The following CFAP74 variants were observed in gnomAD, a reference collection of about 807,000 sequenced individuals.
CFAP74 encodes the protein cilia and flagella associated protein 74, also known as cilia- and flagella-associated protein 74.
In CFAP74, 124 loss-of-function variants were observed where a neutral mutation model predicts 188.9. The observed-to-expected ratio is 0.66, with a 90% CI of 0.57 to 0.76. The LOEUF is 0.76. Ranked by LOEUF, CFAP74 falls within the 30% of genes least tolerant of loss-of-function variation. The pLI is 0.00. For missense variants in CFAP74, 2,198 were observed against 2,165.2 expected (o/e 1.02, Z -0.30); for synonymous variants, 956 against 916.7 (o/e 1.04, Z -0.77).
intron 10 of CFAP74, among the ~76,000 whole-genome samples, chr1:1,970,099 G>A (rs574704846): frequency 6.6e-6 from 1 of 152,232 alleles, no homozygotes; most frequent in Admixed American, 6.5e-5. Context: ...GGGTCCGAGA[G>A]GGCAACATGG....
chr1:1,983,161 T>C (rs1206644451), intron 6 of CFAP74, among the ~76,000 whole-genome samples: 1 of 151,780 alleles, frequency 6.6e-6, no homozygotes, highest in Admixed American at 6.6e-5. Flanking sequence ...CCCCTAACGG[T>C]GGAAAGCCAA....
chr1:1,922,355 G>T lies in CFAP74; in HGVS notation c.4852C>A (p.Gln1618Lys), dbSNP rs759570360. The change falls in exon 39 of 39, where the codon CAG (glutamine) becomes AAG (lysine). Residue 1618 changes from glutamine to lysine, a missense_variant. Transcript: ENST00000682832. ...DHPLMVSALL[Q>K]LRGDVKETYK... ...GTCTCCTTCACATCCCCCCTTAGCT[G>T]CAGCAGGGCCGACACCATGAGTGGG... 2 of 1,600,942 alleles carry T rather than the reference G, an allele frequency of 1.2e-6. No homozygotes were observed. The highest frequency in any genetic ancestry group is 1.4e-5 in the African/African-American group (1 of 74,044).
intron 6 of CFAP74, 142 bp from the exon 7 acceptor site, chr1:1,974,340 C>T (rs1004640932): frequency 6.0e-5 from 43 of 716,492 alleles, no homozygotes; most frequent in Middle Eastern, 3.2e-4. Flanking sequence ...GGGCCATCTC[C>T]GCTCTGAGTC....
chr1:1,950,386 C>A (rs1455786067), intron 18 of CFAP74, among the ~76,000 whole-genome samples: 2 of 149,606 alleles, frequency 1.3e-5, no homozygotes, highest in Non-Finnish European at 3.0e-5. Context: ...ATTGCCCAGG[C>A]TGGAGTGCAA....
Position 1,973,924 on chromosome 1 carries a change from T to C in CFAP74, c.674+101A>G. On this transcript the variant is annotated intron_variant, in intron 7 of 38. Coordinates refer to ENST00000682832, the MANE Select transcript of CFAP74 (RefSeq NM_001304360.2). The surrounding 1 kb of genome is among the most constrained non-coding windows in gnomAD (Gnocchi z 6.2). ...AGGGGTGGAGGTGGATCTGGACAGATGTGGAGGGCGAGGCTGAATCTGGAG... is the reference window on the plus strand; with the variant it reads ...AGGGGTGGAGGTGGATCTGGACAGACGTGGAGGGCGAGGCTGAATCTGGAG... The C allele has an allele frequency of 8.6e-7, 1 of 1,163,040 alleles. No homozygotes were observed. The highest frequency in any genetic ancestry group is 1.7e-5 in the South Asian group (1 of 57,600). 72.0% of individuals were successfully genotyped at this position (1,163,040 alleles called of 1,614,324 possible). A position where few individuals can be genotyped will look rare whatever the true frequency, so the allele number is the denominator to read the frequency against.
Position 1,923,558 on chromosome 1 carries a change from G to A in CFAP74, c.4390-59C>T. On this transcript the variant is annotated intron_variant, in intron 35 of 38. Transcript: ENST00000682832. The surrounding 1 kb of genome is among the most constrained non-coding windows in gnomAD (Gnocchi z 6.3). ...AAGCTCGGCGGCAGGGGTCCTGCTGGTGAGAGCTGGGCTGGCTCAGGGAAG... is the reference window on the plus strand; with the variant it reads ...AAGCTCGGCGGCAGGGGTCCTGCTGATGAGAGCTGGGCTGGCTCAGGGAAG... 1 of 1,584,914 alleles carries A rather than the reference G, an allele frequency of 6.3e-7. No individual in the cohort carries two copies. Among genetic ancestry groups the A allele is most frequent in the Non-Finnish European group, 8.6e-7 (1 of 1,162,278 alleles).
chr1:1,992,366 T>C (rs769101581), intron 1 of CFAP74, among the ~76,000 whole-genome samples: 1 of 151,960 alleles, frequency 6.6e-6, no homozygotes, highest in Non-Finnish European at 1.5e-5. Flanking sequence ...GGGTCTCTCT[T>C]TGTTGCCCAG....
intron 10 of CFAP74, among the ~76,000 whole-genome samples, chr1:1,969,794 A>G (rs1655799430): frequency 6.6e-6 from 1 of 152,004 alleles, no homozygotes; most frequent in Non-Finnish European, 1.5e-5. Context: ...GCTCTGTGGC[A>G]CCCAGAGGAG....
chr1:1,927,983 G>T (rs1055944652), intron 27 of CFAP74: 5 of 544,274 alleles, frequency 9.2e-6, no homozygotes, highest in Non-Finnish European at 1.3e-5. Context: ...ATAAACCGAG[G>T]CACGGAGTGA....
rs779396077 is a variant in CFAP74 at position 1,968,846 on chromosome 1, G to C, written c.1047-13C>G. ...CTCCTCAAAGGCCCTGCGTGGAGTC[G>C]CTTCTCAGATGAGTGCAAGAGGTCC... On this transcript the variant is annotated splice_polypyrimidine_tract_variant and intron_variant, in intron 10 of 38. Coordinates refer to ENST00000682832, the MANE Select transcript of CFAP74 (RefSeq NM_001304360.2). The surrounding 1 kb of genome is among the most constrained non-coding windows in gnomAD (Gnocchi z 4.3). 1 of 1,612,926 alleles carries C rather than the reference G, an allele frequency of 6.2e-7. No individual in the cohort carries two copies. Among genetic ancestry groups the C allele is most frequent in the South Asian group, 1.1e-5 (1 of 91,044 alleles).
chr1:1,923,673 TG>T lies in CFAP74; in HGVS notation c.4389+101del. 6.4e-7 allele frequency: 1 copy of T among 1,569,682 alleles called. No homozygotes were observed. The highest frequency in any genetic ancestry group is 8.7e-7 in the Non-Finnish European group (1 of 1,145,018). On this transcript the variant is annotated intron_variant, in intron 35 of 38. Coordinates refer to ENST00000682832, the MANE Select transcript of CFAP74 (RefSeq NM_001304360.2). This position sits in a 1 kb window ranked among gnomAD's most constrained non-coding sequence, Gnocchi z 6.3. Reference sequence around the variant, plus strand: ...AGTGTGGTGCTGAGTCCCCCAGCCATGGTACCCTCAGGGCCTCCAAAGTGGA... The same window carrying T: ...AGTGTGGTGCTGAGTCCCCCAGCCATGTACCCTCAGGGCCTCCAAAGTGGA...
At position 1,942,918 on chromosome 1, in the gene CFAP74, G is replaced by A. The variant is rs1653485316; in HGVS notation, c.2487-762C>T. On this transcript the variant is annotated intron_variant, in intron 21 of 38. Transcript: ENST00000682832. The surrounding 1 kb of genome is among the most constrained non-coding windows in gnomAD (Gnocchi z 4.3). Reference sequence around the variant, plus strand: ...CTTCCATGCGACAGTCACCCATGCTGTGGCAGCCTCATCTCCGTCCATCAC... The same window carrying A: ...CTTCCATGCGACAGTCACCCATGCTATGGCAGCCTCATCTCCGTCCATCAC... Among the ~76,000 whole-genome samples, 1 of 152,178 alleles carries A rather than the reference G, an allele frequency of 6.6e-6. No individual in the cohort carries two copies. The highest frequency in any genetic ancestry group is 2.1e-4 in the South Asian group (1 of 4,834).
intron 1 of CFAP74, among the ~76,000 whole-genome samples, chr1:1,995,772 G>A (rs556125464): frequency 3.3e-5 from 5 of 149,876 alleles, no homozygotes; most frequent in African/African-American, 9.8e-5. Context: ...GCCGGGTGTG[G>A]TGGCGGGCAC....
At position 2,002,486 on chromosome 1, in the gene CFAP74, T is replaced by C. The variant is rs144693928; in HGVS notation, c.-20+1215A>G. ...ATTTGAGATCAGGAGTTCAAGACCA[T>C]CCTGGCCAACACGCGGAAACCCCGT... On this transcript the variant is annotated intron_variant, in intron 1 of 38. Coordinates refer to ENST00000682832, the MANE Select transcript of CFAP74 (RefSeq NM_001304360.2). Among the ~76,000 whole-genome samples the C allele has an allele frequency of 4.4e-3, 667 of 151,236 alleles. 8 individuals carry two copies. Among genetic ancestry groups the C allele is most frequent in the African/African-American group, 0.015 (622 of 41,326 alleles).
At chr1:1,951,491 C>G (rs533769078) in intron 18 of CFAP74, among the ~76,000 whole-genome samples, 1 of 152,184 alleles carries the variant, frequency 6.6e-6, no homozygotes, top group Non-Finnish European at 1.5e-5. Context: ...TTTGGATTCT[C>G]TTGTTCCGTT....
rs554073104 is a variant in CFAP74 at position 1,980,901 on chromosome 1, G to A, written c.500+4485C>T. ...CTGCCTTAGGCGGCTAAGGGCTGGG[G>A]CGGCCTGTTCTGTGGCTGCGGATGA... On this transcript the variant is annotated intron_variant, in intron 6 of 38. Transcript: ENST00000682832. 1.7e-3 allele frequency among the ~76,000 whole-genome samples: 261 copies of A among 152,370 alleles called. 1 individual carries two copies. Among genetic ancestry groups the A allele is most frequent in the African/African-American group, 6.1e-3 (252 of 41,588 alleles).
At chr1:1,985,656 C>A (rs1200608117) in intron 5 of CFAP74, among the ~76,000 whole-genome samples, 166 bp from the exon 6 acceptor site, 2 of 152,274 alleles carry the variant, frequency 1.3e-5, no homozygotes, top group Non-Finnish European at 2.9e-5. Context: ...CTCCACATGC[C>A]CCTTTCCGCT....
At chr1:1,963,193 G>GT (rs1037083391) in intron 14 of CFAP74, among the ~76,000 whole-genome samples, 6 of 152,172 alleles carry the variant, frequency 3.9e-5, no homozygotes, top group African/African-American at 1.4e-4. Context: ...GCTCATGCCT[G>GT]TAATACCAGT....
At chr1:1,998,736 G>C (rs1658052159) in intron 1 of CFAP74, among the ~76,000 whole-genome samples, 1 of 151,950 alleles carries the variant, frequency 6.6e-6, no homozygotes, top group South Asian at 2.1e-4. Flanking sequence ...AATTAGCCGG[G>C]CGTGGTGGCG....
Sources: gnomAD v4.1 joint callset for allele counts (sites outside exome capture counted in the v4.1 genomes callset) on GRCh38, gnomAD v4.1.1 for gene constraint, Gnocchi (gnomAD v3.1) non-coding constraint, MANE v1.5 for transcripts, NCBI Gene and HGNC (gene_info 2026-07-23, HGNC 2026-07-21) for gene names.